The following COL10A1 variants were observed in gnomAD, a reference collection of about 807,000 sequenced individuals.
COL10A1 encodes the protein collagen type X alpha 1 chain, also known as collagen alpha-1(X) chain.
In COL10A1, 10 loss-of-function variants were observed where a neutral mutation model predicts 18.2. That is an observed-to-expected ratio of 0.55 (90% confidence interval 0.34 to 0.93). The LOEUF is 0.93. Among genes scored for constraint, COL10A1 ranks in the 40% least tolerant of loss-of-function variants. The pLI is 0.02. For synonymous variants in COL10A1, 330 were observed against 316.6 expected, an observed-to-expected ratio of 1.04 and a Z score of -0.45; for missense variants, 897 against 853.5, an observed-to-expected ratio of 1.05 and a Z score of -0.64.
At chr6:116,146,111 C>T (rs1779893084) in intron 1 of COL10A1, among the ~76,000 whole-genome samples, 1 of 152,158 alleles carries the variant, frequency 6.6e-6, no homozygotes, top group Non-Finnish European at 1.5e-5. Flanking sequence ...ATTATGGTTA[C>T]AGTTAATACT....
intron 2 of COL10A1, among the ~76,000 whole-genome samples, chr6:116,123,970 T>C (rs1582816533): frequency 2.0e-5 from 3 of 152,230 alleles, no homozygotes; most frequent in Non-Finnish European, 4.4e-5. Context: ...AATCCAGTGC[T>C]GTTTGTCATA....
chr6:116,215,972 C>A, the COL10A1 span, among the ~76,000 whole-genome samples: 1 of 152,022 alleles, frequency 6.6e-6, no homozygotes, highest in Non-Finnish European at 1.5e-5. Flanking sequence ...TTAAACTGTT[C>A]GAATAATTTT....
rs199827970 is a variant in COL10A1 at position 116,135,834 on chromosome 6, GATATATATATATATATAT to G, written c.-15-10345_-15-10328del. On this transcript the variant is annotated intron_variant, in intron 1 of 1. Transcript: ENST00000418500. The stretch of plus-strand genomic sequence containing the variant: ...ATTTATGGTATACAATATATTTTCA[GATATATATATATATATAT>G]ATATATATATATATATATATACACA... Among the ~76,000 whole-genome samples, 348 of 102,358 alleles carry G rather than the reference GATATATATATATATATAT, an allele frequency of 3.4e-3. 3 individuals carry two copies. Among genetic ancestry groups the G allele is most frequent in the African/African-American group, 0.013 (336 of 25,956 alleles). The allele number at this position is 102,358 out of a possible 152,430, so 67.2% of individuals were successfully genotyped here. A position where few individuals can be genotyped will look rare whatever the true frequency, so the allele number is the denominator to read the frequency against.
chr6:116,133,588 A>G (rs977233504), intron 1 of COL10A1, among the ~76,000 whole-genome samples: 4 of 152,184 alleles, frequency 2.6e-5, no homozygotes, highest in African/African-American at 9.6e-5. Flanking sequence ...CAAAACGGAT[A>G]CTTATGCAGC....
At chr6:116,162,154 G>C (rs1040079809), upstream of COL10A1, among the ~76,000 whole-genome samples, 2 of 152,110 alleles carry the variant, frequency 1.3e-5, no homozygotes, top group Non-Finnish European at 2.9e-5. Flanking sequence ...CAAAGTTATT[G>C]ATTAGGTCCA....
chr6:116,179,723 T>A, the COL10A1 span, among the ~76,000 whole-genome samples: 1 of 152,132 alleles, frequency 6.6e-6, no homozygotes, highest in Non-Finnish European at 1.5e-5. Flanking sequence ...AACTCAATAA[T>A]TATAAGATTC....
upstream of COL10A1, among the ~76,000 whole-genome samples, chr6:116,162,655 GT>G (rs1360076158): frequency 1.3e-5 from 2 of 152,138 alleles, no homozygotes; most frequent in African/African-American, 4.8e-5. Context: ...TCTTTTTGAT[GT>G]GCTGTTGGAT....
At chr6:116,182,915 T>G in the COL10A1 span, among the ~76,000 whole-genome samples, 2 of 152,166 alleles carry the variant, frequency 1.3e-5, no homozygotes, top group Non-Finnish European at 2.9e-5. Flanking sequence ...TTTGTTGAAT[T>G]TGCTTTTGAG....
upstream of COL10A1, among the ~76,000 whole-genome samples, chr6:116,130,229 A>G (rs1042069078): frequency 6.6e-6 from 1 of 152,200 alleles, no homozygotes; most frequent in Non-Finnish European, 1.5e-5. Context: ...CTTTACCAGC[A>G]TTTAGAACAA....
chr6:116,184,794 A>G, the COL10A1 span, among the ~76,000 whole-genome samples: 1 of 151,904 alleles, frequency 6.6e-6, no homozygotes, highest in Admixed American at 6.6e-5. Context: ...ATTCTCACTA[A>G]TGGTCTATCA....
intron 1 of COL10A1, among the ~76,000 whole-genome samples, chr6:116,151,781 C>CT (rs1463384467): frequency 2.6e-5 from 4 of 152,068 alleles, no homozygotes; most frequent in East Asian, 1.9e-4. Context: ...AGCAAATAAA[C>CT]TTTTTTTAAA....
At chr6:116,138,767 TTG>T (rs1198313285) in intron 1 of COL10A1, among the ~76,000 whole-genome samples, 1 of 152,094 alleles carries the variant, frequency 6.6e-6, no homozygotes, top group African/African-American at 2.4e-5. Flanking sequence ...GTATTTATAT[TTG>T]TATAGAATTG....
chr6:116,154,276 A>G (rs1222991324), intron 1 of COL10A1, among the ~76,000 whole-genome samples: 1 of 152,226 alleles, frequency 6.6e-6, no homozygotes, highest in Non-Finnish European at 1.5e-5. Flanking sequence ...AAACATCAAC[A>G]TAGCTGGAGT....
At chr6:116,180,613 T>C in the COL10A1 span, among the ~76,000 whole-genome samples, 1 of 152,098 alleles carries the variant, frequency 6.6e-6, no homozygotes, top group Non-Finnish European at 1.5e-5. Flanking sequence ...ATACATTCTC[T>C]ATAAAACTGT....
In COL10A1 at chr6:116,119,625, A is replaced by G. The variant is rs918667740; in HGVS notation, c.*448T>C. On this transcript the variant is annotated 3_prime_UTR_variant, in exon 3 of 3. Transcript: ENST00000651968. ...AAGTATTTAAGTTCTACAAAGTTAT[A>G]TGATACCTCCTGGATGTTTCCTAGA... 4 of 166,966 alleles carry G rather than the reference A, an allele frequency of 2.4e-5. No individual in the cohort carries two copies. Among genetic ancestry groups the G allele is most frequent in the African/African-American group, 7.2e-5 (3 of 41,598 alleles). The allele number at this position is 166,966 out of a possible 1,614,324, so 10.3% of individuals were successfully genotyped here.
chr6:116,203,485 T>G, the COL10A1 span, among the ~76,000 whole-genome samples: 8 of 151,950 alleles, frequency 5.3e-5, no homozygotes, highest in Non-Finnish European at 1.2e-4. Flanking sequence ...TTTTCCTGCA[T>G]CTAGTGGCTC....
At chr6:116,145,492 T>C (rs1416126506) in intron 1 of COL10A1, 4 of 370,642 alleles carry the variant, frequency 1.1e-5, no homozygotes, top group South Asian at 6.4e-5. Flanking sequence ...TTCATACTTA[T>C]TTAAGAGATT....
chr6:116,192,072 T>C, the COL10A1 span, among the ~76,000 whole-genome samples: 1 of 152,050 alleles, frequency 6.6e-6, no homozygotes, highest in Non-Finnish European at 1.5e-5. Context: ...TTGGTAATCA[T>C]TAATATCATG....
rs1335893478 is a variant in COL10A1 at position 116,120,881 on chromosome 6, G to T, written c.1235C>A (p.Pro412His). The change falls in exon 3 of 3, where the codon CCT becomes CAT. Residue 412 changes from proline (P) to histidine (H), a missense_variant. Physicochemically the swap from Pro to His is moderately conservative, Grantham distance 77. Transcript: ENST00000651968. ...NPGLPGPKGD[P>H]GVGGPPGLPG... is the part of the protein sequence containing the mutation. ...GAGACCAGGAGGTCCTCCAACTCCA[G>T]GATCACCTTTTGGACCTGGTAACCC... 6.2e-7 allele frequency: 1 copy of T among 1,613,754 alleles called. No individual in the cohort carries two copies. The highest frequency in any genetic ancestry group is 1.3e-5 in the African/African-American group (1 of 74,884).
Sources: allele counts gnomAD v4.1 joint callset (sites outside exome capture counted in the v4.1 genomes callset), GRCh38; gene constraint gnomAD v4.1.1; transcripts MANE v1.5; gene names NCBI Gene and HGNC (gene_info 2026-07-23, HGNC 2026-07-21).